The following BUB1 variants were observed in gnomAD, a reference collection of about 807,000 sequenced individuals.
BUB1 encodes mitotic checkpoint serine/threonine-protein kinase BUB1.
In BUB1, 84 loss-of-function variants were observed where a neutral mutation model predicts 135.2. The observed-to-expected ratio is 0.62, with a 90% confidence interval of 0.52 to 0.74. The LOEUF is 0.74. BUB1 is among the 30% of genes least tolerant of loss of function. BUB1 has a pLI of 0.00. For missense variants in BUB1, 1,162 were observed against 1,288.3 expected, an observed-to-expected ratio of 0.90 and a Z score of 1.50; for synonymous variants, 403 against 434.4, an observed-to-expected ratio of 0.93 and a Z score of 0.90.
At position 110,639,858 on chromosome 2, in the gene BUB1, A is replaced by T. The variant is rs1469719012; in HGVS notation, c.2956-10T>A. Reference sequence around the variant, plus strand: ...CCCCAAAGTAATCGATCTATGAAGAAGATAGAGGTATATATGACTTAAATA... The same window carrying T: ...CCCCAAAGTAATCGATCTATGAAGATGATAGAGGTATATATGACTTAAATA... On this transcript the variant is annotated splice_polypyrimidine_tract_variant and intron_variant, in intron 23 of 24. Transcript: ENST00000302759. The T allele has an allele frequency of 9.4e-6, 15 of 1,597,808 alleles. No homozygotes were observed. The highest frequency in any genetic ancestry group is 1.3e-5 in the African/African-American group (1 of 74,662).
At position 110,655,801 on chromosome 2, in the gene BUB1, T is replaced by G; in HGVS notation, c.1814A>C (p.Gln605Pro). The change falls in exon 16 of 25, where the codon CAA (glutamine) becomes CCA (proline). Residue 605 changes from glutamine (Q) to proline (P), a missense_variant. By Grantham distance (76) the Gln-to-Pro change is moderately conservative. Transcript: ENST00000302759. ...KSPGDFTSAAQLASTPFHKLP... is the reference protein window; with the variant it reads ...KSPGDFTSAAPLASTPFHKLP... The stretch of plus-strand genomic sequence containing the variant: ...CTTGTGGAATGGTGTAGACGCAAGT[T>G]GTGCAGCAGATGTGAAGTCTCCTGG... The G allele has an allele frequency of 6.2e-7, 1 of 1,613,916 alleles. No individual in the cohort carries two copies. The highest frequency in any genetic ancestry group is 8.5e-7 in the Non-Finnish European group (1 of 1,179,902).
intron 24 of BUB1, among the ~76,000 whole-genome samples, chr2:110,639,104 T>C (rs1237790322): frequency 1.3e-5 from 2 of 152,154 alleles, no homozygotes; most frequent in East Asian, 1.9e-4. Flanking sequence ...ATAATGAATA[T>C]GCAGGTACCA....
chr2:110,661,715 C>A lies in BUB1; in HGVS notation c.1084G>T (p.Val362Phe). The A allele has an allele frequency of 6.2e-7, 1 of 1,614,224 alleles. No homozygotes were observed. The highest frequency in any genetic ancestry group is 8.5e-7 in the Non-Finnish European group (1 of 1,180,044). Residue 362 changes from valine to phenylalanine, a missense_variant, in exon 10 of 25, where the codon GTT becomes TTT. Physicochemically the swap from Val to Phe is conservative, Grantham distance 50. Coordinates refer to ENST00000302759, the MANE Select transcript of BUB1 (RefSeq NM_004336.5). ...EKNPREAPPV[V>F]PPLANAISAA... ...GAAATAGCATTTGCCAAAGGAGGAA[C>A]AACAGGAGGTGCCTCTCTTGGGTTC... is the stretch of plus-strand genomic sequence containing the variant.
chr2:110,640,962 C>T, intron 23 of BUB1, 72 bp downstream of exon 23: 1 of 1,469,188 alleles, frequency 6.8e-7, no homozygotes, highest in Admixed American at 2.4e-5. Flanking sequence ...CCTAGATCCC[C>T]AAATTCATTT....
chr2:110,655,745 C>T lies in BUB1; in HGVS notation c.1870G>A (p.Asp624Asn), dbSNP rs146717997. ...LPVESVHILEDKENVVAKQCT... is the reference protein window; with the variant it reads ...LPVESVHILENKENVVAKQCT... ...AAAACAGTGTAACACACACCTTTATCTTCTAAAATGTGCACTGACTCCACT... is the reference window on the plus strand; with the variant it reads ...AAAACAGTGTAACACACACCTTTATTTTCTAAAATGTGCACTGACTCCACT... The change falls in exon 16 of 25, where the codon GAT (aspartate) becomes AAT (asparagine). Residue 624 changes from aspartate to asparagine, a missense_variant. Coordinates refer to ENST00000302759, the MANE Select transcript of BUB1 (RefSeq NM_004336.5). 1.1e-5 allele frequency: 17 copies of T among 1,613,170 alleles called. No individual in the cohort carries two copies. The East Asian group carries it at 2.2e-4, about 21-fold the overall frequency.
rs763098139 is a variant in BUB1, at chr2:110,672,834, A to T, written c.249T>A (p.His83Gln). 1.9e-6 allele frequency: 3 copies of T among 1,608,784 alleles called. No individual in the cohort carries two copies. ...GGTTGTACAGAAACTCAAAAAATTG[A>T]TGGAGGTCACTGTTGTACTCAGCCT... ...LKFAEYNSDL[H>Q]QFFEFLYNHG... Residue 83 changes from histidine to glutamine, a missense_variant, in exon 4 of 25, where the codon CAT (histidine) becomes CAA (glutamine). By Grantham distance (24) the His-to-Gln change is conservative. Coordinates refer to ENST00000302759, the MANE Select transcript of BUB1 (RefSeq NM_004336.5).
intron 24 of BUB1, among the ~76,000 whole-genome samples, chr2:110,638,564 C>T (rs1040300006): frequency 6.6e-6 from 1 of 152,158 alleles, no homozygotes; most frequent in Non-Finnish European, 1.5e-5. Flanking sequence ...GGTTGGACTG[C>T]CCAGGAGAGA....
Position 110,660,538 on chromosome 2 carries a change from G to GT in BUB1, c.1218-503dup, listed in dbSNP as rs576407211. Among the ~76,000 whole-genome samples, 1,294 of 149,124 alleles carry GT rather than the reference G, an allele frequency of 8.7e-3. 14 individuals are homozygous for GT. The highest frequency in any genetic ancestry group is 0.028 in the Middle Eastern group (8 of 288). On this transcript the variant is annotated intron_variant, in intron 10 of 24. Coordinates refer to ENST00000302759, the MANE Select transcript of BUB1 (RefSeq NM_004336.5). ...GGTCTACAGTGTTAGTAAATAAACT[G>GT]TTTTTTTTTTCCTTTCAGTTCCATT...
intron 19 of BUB1, among the ~76,000 whole-genome samples, chr2:110,645,212 T>C (rs1404182451): frequency 6.6e-6 from 1 of 152,046 alleles, no homozygotes; most frequent in African/African-American, 2.4e-5. Flanking sequence ...GGAAGGCGGA[T>C]CACCTGAGGT....
chr2:110,669,397 G>T, intron 6 of BUB1, 56 bp downstream of exon 6: 2 of 1,209,128 alleles, frequency 1.7e-6, no homozygotes, highest in Non-Finnish European at 2.5e-6. Flanking sequence ...AGGCAGCCAG[G>T]CTGGCCATTC....
At chr2:110,670,597 T>C in intron 4 of BUB1, 29 bp from the exon 5 acceptor site, 1 of 1,610,688 alleles carries the variant, frequency 6.2e-7, no homozygotes. Context: ...GGCATCAATG[T>C]AGATTATAAA....
chr2:110,675,815 C>T (rs942594545), intron 1 of BUB1, among the ~76,000 whole-genome samples: 3 of 152,076 alleles, frequency 2.0e-5, no homozygotes, highest in African/African-American at 7.2e-5. Flanking sequence ...CCATGTCTGG[C>T]TAATTTTTTA....
chr2:110,638,304 A>AAC, intron 24 of BUB1, 145 bp from the exon 25 acceptor site: 1 of 528,156 alleles, frequency 1.9e-6, no homozygotes, highest in South Asian at 4.1e-5. Flanking sequence ...CAAGTATGGA[A>AAC]ACACTATATC....
Position 110,658,619 on chromosome 2 carries a change from G to A in BUB1, c.1400C>T (p.Ala467Val). The A allele has an allele frequency of 6.2e-7, 1 of 1,614,192 alleles. No homozygotes were observed. The highest frequency in any genetic ancestry group is 1.1e-5 in the South Asian group (1 of 91,090). Reference protein sequence around the residue: ...QPSPTVHTKEALGFIMNMFQA... With the variant: ...QPSPTVHTKEVLGFIMNMFQA... ...ACTCAGATAAAATACTTTACCTAAT[G>A]CTTCTTTTGTGTGCACGGTGGGTGA... The change falls in exon 12 of 25, where the codon GCA (alanine) becomes GTA (valine). Residue 467 changes from alanine (A) to valine (V), a missense_variant. Coordinates refer to ENST00000302759, the MANE Select transcript of BUB1 (RefSeq NM_004336.5).
rs867717381 is a variant in BUB1, at chr2:110,643,431, A to G, written c.2348-1197T>C. On this transcript the variant is annotated intron_variant, in intron 19 of 24. Coordinates refer to ENST00000302759, the MANE Select transcript of BUB1 (RefSeq NM_004336.5). ...TATGTAGTGACAGCAAACAGTAAAC[A>G]CAGCCTAACCCATAGGCAGATTAAG... Among the ~76,000 whole-genome samples, 13 of 152,322 alleles carry G rather than the reference A, an allele frequency of 8.5e-5. 1 individual carries two copies. The highest frequency in any genetic ancestry group is 6.8e-3 in the Middle Eastern group (2 of 294).
chr2:110,644,058 CAAAAAAAAA>C lies in BUB1; in HGVS notation c.2348-1833_2348-1825del, dbSNP rs58393999. The stretch of plus-strand genomic sequence containing the variant: ...AATAAAAACTTCCAAAACTGAAATG[CAAAAAAAAA>C]AAAAAAAAAAAAAATAGAAAGAAAT... On this transcript the variant is annotated intron_variant, in intron 19 of 24. Coordinates refer to ENST00000302759, the MANE Select transcript of BUB1 (RefSeq NM_004336.5). Among the ~76,000 whole-genome samples the C allele has an allele frequency of 5.8e-3, 231 of 39,688 alleles. 1 individual carries two copies. The highest frequency in any genetic ancestry group is 7.7e-3 in the Non-Finnish European group (180 of 23,376). 26.0% of individuals were successfully genotyped at this position (39,688 alleles called of 152,430 possible). A position where few individuals can be genotyped will look rare whatever the true frequency, so the allele number is the denominator to read the frequency against.
In BUB1 at chr2:110,656,548, G is replaced by T. The variant is rs1574324295; in HGVS notation, c.1698+488C>A. ...TTAGACTGGGGTTACAGATTTTTGG[G>T]AAGGATATCAGAGGTGAAATGTTCT... is the stretch of plus-strand genomic sequence containing the variant. On this transcript the variant is annotated intron_variant, in intron 15 of 24. Transcript: ENST00000302759. Among the ~76,000 whole-genome samples the T allele has an allele frequency of 4.6e-5, 7 of 152,298 alleles. No individual in the cohort carries two copies. In the South Asian group the frequency reaches 1.4e-3, roughly 32 times the overall value.
chr2:110,654,668 G>C (rs1323602170), intron 16 of BUB1, among the ~76,000 whole-genome samples: 2 of 146,738 alleles, frequency 1.4e-5, no homozygotes, highest in Non-Finnish European at 3.0e-5. Flanking sequence ...AAGCAAGCTT[G>C]TGATGGTGCT....
chr2:110,642,284 T>G, intron 19 of BUB1, 50 bp from the exon 20 acceptor site: 1 of 1,262,076 alleles, frequency 7.9e-7, no homozygotes, highest in Non-Finnish European at 1.1e-6. Context: ...TTATTTTAAA[T>G]AGTTTTCAAT....
Sources: gnomAD v4.1 joint callset for allele counts (sites outside exome capture counted in the v4.1 genomes callset) on GRCh38, gnomAD v4.1.1 for gene constraint, MANE v1.5 for transcripts, NCBI Gene and HGNC (gene_info 2026-07-23, HGNC 2026-07-21) for gene names.